The following KIF26B variants were observed in gnomAD, a reference collection of about 807,000 sequenced individuals.
The protein encoded by KIF26B is kinesin family member 26B.
KIF26B carries 63 observed loss-of-function variants against 151.2 expected under a neutral mutation model. That is an observed-to-expected ratio of 0.42 (90% CI 0.34 to 0.51). KIF26B has a LOEUF of 0.51. Among genes scored for constraint, KIF26B ranks in the 20% least tolerant of loss-of-function variants. KIF26B has a pLI of 0.07. For synonymous variants in KIF26B, 1,357 were observed against 1,262.1 expected (o/e 1.08, Z -1.59); for missense variants, 2,813 against 2,913.6 (o/e 0.97, Z 0.79).
intron 4 of KIF26B, among the ~76,000 whole-genome samples, chr1:245,535,932 A>C (rs7518092): frequency 6.6e-6 from 1 of 152,018 alleles, no homozygotes; most frequent in Non-Finnish European, 1.5e-5. Flanking sequence ...TCATCTTCCT[A>C]TGTGGAAACT....
Position 245,366,949 on chromosome 1 carries a change from T to C in KIF26B, c.581T>C (p.Leu194Ser). Residue 194 changes from leucine to serine, a missense_variant, in exon 3 of 15, where the codon TTG becomes TCG. Physicochemically the swap from Leu to Ser is moderately radical, Grantham distance 145 (BLOSUM62 -2). Coordinates refer to ENST00000407071, the MANE Select transcript of KIF26B (RefSeq NM_018012.4). ...ATTTGCGCCACTCACCTGAACCAGT[T>C]GAAGCAGGAGGCCATCCAGATGGTG... ...CDICATHLNQ[L>S]KQEAIQMVLT... The C allele has an allele frequency of 6.2e-7, 1 of 1,613,908 alleles. No homozygotes were observed. Among genetic ancestry groups the C allele is most frequent in the East Asian group, 2.2e-5 (1 of 44,900 alleles).
At chr1:245,576,539 C>T (rs1427999137) in intron 5 of KIF26B, among the ~76,000 whole-genome samples, 1 of 152,226 alleles carries the variant, frequency 6.6e-6, no homozygotes, top group African/African-American at 2.4e-5. Context: ...GATTGTCACA[C>T]GTCCTGGTGA....
rs188595978 is a variant in KIF26B, at chr1:245,313,726, A to G, written c.466-53108A>G. Reference sequence around the variant, plus strand: ...AGTGTTTAGCAGATATTTCACAGATATAAACTGTGCGGTCTTCCTAAGTCT... The same window carrying G: ...AGTGTTTAGCAGATATTTCACAGATGTAAACTGTGCGGTCTTCCTAAGTCT... On this transcript the variant is annotated intron_variant, in intron 2 of 14. Coordinates refer to ENST00000407071, the MANE Select transcript of KIF26B (RefSeq NM_018012.4). Among the ~76,000 whole-genome samples, 6 of 152,352 alleles carry G rather than the reference A, an allele frequency of 3.9e-5. No homozygotes were observed. In the East Asian group the frequency reaches 1.2e-3, roughly 29 times the overall value.
chr1:245,374,094 A>AATATATATATATACATAT (rs1673208978), intron 3 of KIF26B, among the ~76,000 whole-genome samples: 1 of 22,216 alleles, frequency 4.5e-5, no homozygotes, highest in Non-Finnish European at 7.8e-5. Context: ...AAAAAAAAAA[A>AATATATATATATACATAT]ATATATATAT....
At chr1:245,550,661 C>G (rs1219140904) in intron 5 of KIF26B, among the ~76,000 whole-genome samples, 1 of 152,230 alleles carries the variant, frequency 6.6e-6, no homozygotes, top group Admixed American at 6.5e-5. Flanking sequence ...GGAGGAGCTG[C>G]TGGGGGCCAG....
intron 2 of KIF26B, among the ~76,000 whole-genome samples, chr1:245,190,155 C>T (rs181890321): frequency 6.6e-6 from 1 of 152,282 alleles, no homozygotes; most frequent in Non-Finnish European, 1.5e-5. Flanking sequence ...CCCCATGATT[C>T]AGTCATCTCC....
intron 3 of KIF26B, among the ~76,000 whole-genome samples, chr1:245,389,116 C>T (rs1673624547): frequency 6.6e-6 from 1 of 151,956 alleles, no homozygotes; most frequent in Admixed American, 6.6e-5. Context: ...CAAAAAAGCC[C>T]ATTTTCTTTT....
chr1:245,652,822 A>G (rs1396708090), intron 10 of KIF26B, among the ~76,000 whole-genome samples: 1 of 152,074 alleles, frequency 6.6e-6, no homozygotes, highest in Non-Finnish European at 1.5e-5. Context: ...CTCTGTCATC[A>G]TCTCTTGGCG....
intron 2 of KIF26B, among the ~76,000 whole-genome samples, chr1:245,328,115 C>CTTTGCTGA (rs1385145396): frequency 1.4e-5 from 2 of 146,230 alleles, no homozygotes; most frequent in Non-Finnish European, 3.0e-5. Context: ...GAATGAACTG[C>CTTTGCTGA]TTTGCTGGTA....
rs1050610465 is a variant in KIF26B at position 245,521,059 on chromosome 1, T to C, written c.1167-19708T>C. On this transcript the variant is annotated intron_variant, in intron 4 of 14. Transcript: ENST00000407071. ...ACCCGTTAAAAAGCAATAAACAGGC[T>C]GGGCGTGGTGGCTCACGCCTGTAAT... Among the ~76,000 whole-genome samples the C allele has an allele frequency of 3.9e-5, 6 of 152,014 alleles. No homozygotes were observed. In the East Asian group the frequency reaches 5.8e-4, roughly 15 times the overall value.
chr1:245,648,254 C>T (rs983649995), intron 10 of KIF26B, among the ~76,000 whole-genome samples: 4 of 152,026 alleles, frequency 2.6e-5, no homozygotes, highest in Non-Finnish European at 4.4e-5. Context: ...GAATTGATGG[C>T]GGGAAGATAG....
chr1:245,642,509 C>T (rs1572174830), intron 9 of KIF26B, among the ~76,000 whole-genome samples: 2 of 142,030 alleles, frequency 1.4e-5, no homozygotes, highest in African/African-American at 5.3e-5. Context: ...TTCAGTGAGC[C>T]GTGATTGCAA....
intron 9 of KIF26B, among the ~76,000 whole-genome samples, chr1:245,642,110 A>G (rs1167135302): frequency 6.6e-6 from 1 of 152,160 alleles, no homozygotes; most frequent in Non-Finnish European, 1.5e-5. Context: ...CAATGACGGT[A>G]CTTGTGTTAT....
chr1:245,372,971 C>A (rs1421920950), intron 3 of KIF26B, among the ~76,000 whole-genome samples: 1 of 152,060 alleles, frequency 6.6e-6, no homozygotes, highest in Non-Finnish European at 1.5e-5. Flanking sequence ...AAGAAGAAGG[C>A]GTGAAAATAT....
At chr1:245,376,174 TAGA>T (rs1031743643) in intron 3 of KIF26B, among the ~76,000 whole-genome samples, 17 of 152,146 alleles carry the variant, frequency 1.1e-4, no homozygotes, top group African/African-American at 4.1e-4. Context: ...TTTGATCTGA[TAGA>T]AGGAGATCTC....
At position 245,688,480 on chromosome 1, in the gene KIF26B, G is replaced by T. The variant is rs1416266761; in HGVS notation, c.5497G>T (p.Gly1833Trp). Residue 1833 changes from glycine (G) to tryptophan (W), a missense_variant, in exon 12 of 15, where the codon GGG becomes TGG. By Grantham distance (184) the Gly-to-Trp change is radical. This residue lies in a region of KIF26B where 2,060 missense variants were observed against 2,088.6 expected (regional missense o/e 0.99). Coordinates refer to ENST00000407071, the MANE Select transcript of KIF26B (RefSeq NM_018012.4). ...LRAGPEAEAR[G>W]GALAEDEPAA... ...GGCCGGGCCCGAGGCGGAGGCGCGC[G>T]GGGGGGCCCTGGCCGAGGACGAGCC... 3 of 1,384,162 alleles carry T rather than the reference G, an allele frequency of 2.2e-6. No individual in the cohort carries two copies. The highest frequency in any genetic ancestry group is 3.1e-5 in the East Asian group (1 of 32,720). 85.7% of individuals were successfully genotyped at this position (1,384,162 alleles called of 1,614,324 possible). A position where few individuals can be genotyped will look rare whatever the true frequency, so the allele number is the denominator to read the frequency against.
chr1:245,504,631 G>C (rs1374419907), intron 4 of KIF26B, among the ~76,000 whole-genome samples: 1 of 151,852 alleles, frequency 6.6e-6, no homozygotes, highest in Non-Finnish European at 1.5e-5. Context: ...TGTGCAGATA[G>C]TGTCTCACTA....
chr1:245,404,180 T>C (rs764394996), intron 3 of KIF26B, among the ~76,000 whole-genome samples: 3 of 151,430 alleles, frequency 2.0e-5, no homozygotes, highest in Non-Finnish European at 4.4e-5. Context: ...TAAGAGATCA[T>C]TCATTTTTGA....
intron 2 of KIF26B, among the ~76,000 whole-genome samples, chr1:245,310,237 C>T (rs1007265977): frequency 8.6e-5 from 13 of 151,804 alleles, no homozygotes; most frequent in African/African-American, 2.9e-4. Flanking sequence ...TACAAACATT[C>T]CATATGCCAA....
Sources: gnomAD v4.1 joint callset for allele counts (sites outside exome capture counted in the v4.1 genomes callset) on GRCh38, gnomAD v4.1.1 for gene constraint, gnomAD v4.1.1 regional missense constraint, MANE v1.5 for transcripts, NCBI Gene and HGNC (gene_info 2026-07-23, HGNC 2026-07-21) for gene names.